The following AURKA variants were observed in gnomAD, a reference collection of about 807,000 sequenced individuals.
The protein encoded by AURKA is aurora 2.
A neutral mutation model predicts 40.9 loss-of-function variants in AURKA; 12 were observed. The ratio of observed to expected loss-of-function variants is 0.29; its 90% CI spans 0.19 to 0.48. AURKA has a LOEUF of 0.48. Among genes scored for constraint, AURKA ranks in the 20% least tolerant of loss-of-function variants. AURKA has a pLI of 0.99. For synonymous variants in AURKA, 170 were observed against 164.3 expected, an observed-to-expected ratio of 1.03 and a Z score of -0.26; for missense variants, 322 against 462.1, an observed-to-expected ratio of 0.70 and a Z score of 2.78.
Position 56,381,537 on chromosome 20 carries a change from G to A in AURKA, c.601C>T (p.His201Tyr), listed in dbSNP as rs776320107. Reference sequence around the variant, plus strand: ...ATTAGGTAGACTCTGGTAGCATCATGGAAATAACCATACAGTCTAAGAATA... The same window carrying A: ...ATTAGGTAGACTCTGGTAGCATCATAGAAATAACCATACAGTCTAAGAATA... ...PNILRLYGYFHDATRVYLILE... is the reference protein window; with the variant it reads ...PNILRLYGYFYDATRVYLILE... Residue 201 changes from histidine to tyrosine, a missense_variant, in exon 6 of 9, where the codon CAT becomes TAT. Transcript: ENST00000395915. The A allele has an allele frequency of 2.5e-6, 4 of 1,613,848 alleles. No homozygotes were observed. The highest frequency in any genetic ancestry group is 2.2e-5 in the East Asian group (1 of 44,822).
chr20:56,369,970 T>C lies in AURKA; in HGVS notation c.*188A>G. On this transcript the variant is annotated 3_prime_UTR_variant, in exon 9 of 9. Coordinates refer to ENST00000395915, the MANE Select transcript of AURKA (RefSeq NM_198437.3). ...TCTCGTGGCTACTTTCACTTCAGAG[T>C]GTCATGTTTATTGATGTGGAGCTTT... 1 of 717,156 alleles carries C rather than the reference T, an allele frequency of 1.4e-6. No individual in the cohort carries two copies. Among genetic ancestry groups the C allele is most frequent in the South Asian group, 1.6e-5 (1 of 63,464 alleles). 44.4% of individuals were successfully genotyped at this position (717,156 alleles called of 1,614,324 possible). A position where few individuals can be genotyped will look rare whatever the true frequency, so the allele number is the denominator to read the frequency against.
chr20:56,377,801 C>T (rs1469004589), intron 6 of AURKA, among the ~76,000 whole-genome samples: 1 of 151,744 alleles, frequency 6.6e-6, no homozygotes, highest in African/African-American at 2.4e-5. Flanking sequence ...AAAAAAGAGA[C>T]GTTCAACATC....
At position 56,373,477 on chromosome 20, in the gene AURKA, A is replaced by G; in HGVS notation, c.785T>C (p.Leu262Ser). ...VIHRDIKPEN[L>S]LLGSAGELKI... ...AAGCTCTCCAGCTGATCCAAGAAGT[A>G]AGTTCTCTGGCTTAATGTCTCTATG... The change falls in exon 7 of 9, where the codon TTA becomes TCA. Residue 262 changes from leucine (L) to serine (S), a missense_variant. By Grantham distance (145) the Leu-to-Ser change is moderately radical. Transcript: ENST00000395915. The surrounding 1 kb of genome is among the most constrained non-coding windows in gnomAD (Gnocchi z 5.0). The G allele has an allele frequency of 1.2e-6, 2 of 1,614,238 alleles. No individual in the cohort carries two copies. The highest frequency in any genetic ancestry group is 8.5e-7 in the Non-Finnish European group (1 of 1,180,048).
intron 1 of AURKA, chr20:56,388,479 A>C: frequency 2.0e-6 from 1 of 502,994 alleles, no homozygotes; most frequent in Middle Eastern, 5.3e-4. Flanking sequence ...GATCACTTCC[A>C]TCCCTGTGCA....
rs1983865815 is a variant in AURKA at position 56,369,887 on chromosome 20, C to T, written c.*271G>A. 3.8e-6 allele frequency: 2 copies of T among 531,942 alleles called. No individual in the cohort carries two copies. The highest frequency in any genetic ancestry group is 2.9e-5 in the Admixed American group (1 of 34,234). 33.0% of individuals were successfully genotyped at this position (531,942 alleles called of 1,614,324 possible). On this transcript the variant is annotated 3_prime_UTR_variant, in exon 9 of 9. Transcript: ENST00000395915. Reference sequence around the variant, plus strand: ...AGACACCATGCCTAGCACAGGCTGACGGGGCGGCTGCAGTCGAACCTTGCC... The same window carrying T: ...AGACACCATGCCTAGCACAGGCTGATGGGGCGGCTGCAGTCGAACCTTGCC...
At chr20:56,375,999 C>G (rs1431283888) in intron 6 of AURKA, among the ~76,000 whole-genome samples, 1 of 152,210 alleles carries the variant, frequency 6.6e-6, no homozygotes, top group Non-Finnish European at 1.5e-5. Flanking sequence ...CTTTCATTTT[C>G]TTTCAAACAG....
intron 5 of AURKA, 122 bp from the exon 6 acceptor site, chr20:56,381,693 C>A: frequency 2.5e-6 from 3 of 1,217,132 alleles, no homozygotes; most frequent in South Asian, 1.3e-5. Flanking sequence ...CACTCCAAAC[C>A]CCACTTTAGA....
chr20:56,386,540 TG>T lies in AURKA; in HGVS notation c.43-8del, dbSNP rs746826116. ...CTCCAACTGGAGCTGTAGCCTAGAATGGAAGAGAAAATAAACTTTCTGGCAT... is the reference window on the plus strand; with the variant it reads ...CTCCAACTGGAGCTGTAGCCTAGAATGAAGAGAAAATAAACTTTCTGGCAT... On this transcript the variant is annotated splice_region_variant and splice_polypyrimidine_tract_variant and intron_variant, in intron 2 of 8. Coordinates refer to ENST00000395915, the MANE Select transcript of AURKA (RefSeq NM_198437.3). The T allele has an allele frequency of 3.3e-5, 54 of 1,614,050 alleles. No individual in the cohort carries two copies. The highest frequency in any genetic ancestry group is 4.3e-5 in the Non-Finnish European group (51 of 1,180,032).
intron 6 of AURKA, among the ~76,000 whole-genome samples, chr20:56,378,710 G>A (rs1985286099): frequency 6.6e-6 from 1 of 152,144 alleles, no homozygotes; most frequent in Non-Finnish European, 1.5e-5. Context: ...AAACAGAAAT[G>A]AACAAGCTCT....
rs897642406 is a variant in AURKA at position 56,369,694 on chromosome 20, A to C, written c.*464T>G. On this transcript the variant is annotated 3_prime_UTR_variant, in exon 9 of 9. Coordinates refer to ENST00000395915, the MANE Select transcript of AURKA (RefSeq NM_198437.3). ...TACATATATCTTTATTTTCATACTT[A>C]AAAAGAATCACATACTCATTCCAAC... The C allele has an allele frequency of 4.1e-5, 14 of 340,448 alleles. No homozygotes were observed. The highest frequency in any genetic ancestry group is 5.0e-5 in the Non-Finnish European group (9 of 181,636). The allele number at this position is 340,448 out of a possible 1,614,324, so 21.1% of individuals were successfully genotyped here.
intron 6 of AURKA, among the ~76,000 whole-genome samples, chr20:56,374,448 C>T (rs985422737): frequency 6.6e-6 from 1 of 152,086 alleles, no homozygotes; most frequent in African/African-American, 2.4e-5. Context: ...TCAAGAATAT[C>T]AGGAGAAAAA....
At chr20:56,382,830 A>AGGGGAG (rs1465270834) in intron 5 of AURKA, among the ~76,000 whole-genome samples, 155 bp downstream of exon 5, 1 of 151,856 alleles carries the variant, frequency 6.6e-6, no homozygotes, top group Non-Finnish European at 1.5e-5. Context: ...TCTTTTTCAT[A>AGGGGAG]GGGGAGGGGG....
chr20:56,384,436 G>A, intron 3 of AURKA, 112 bp from the exon 4 acceptor site: 2 of 777,170 alleles, frequency 2.6e-6, no homozygotes, highest in Non-Finnish European at 2.1e-6. Context: ...GGTATGTCAA[G>A]AATGATAAAT....
chr20:56,376,305 C>CA (rs1240376366), intron 6 of AURKA, among the ~76,000 whole-genome samples: 2 of 151,954 alleles, frequency 1.3e-5, no homozygotes, highest in Non-Finnish European at 2.9e-5. Context: ...AAAGTTGGCC[C>CA]AAAAGATGAA....
intron 1 of AURKA, among the ~76,000 whole-genome samples, chr20:56,389,931 G>T (rs1986854894): frequency 6.6e-6 from 1 of 152,030 alleles, no homozygotes; most frequent in Non-Finnish European, 1.5e-5. Flanking sequence ...TCTCTCCCTT[G>T]AGTTTTTTCC....
In AURKA at chr20:56,380,084, C is replaced by T. The variant is rs1159245998; in HGVS notation, c.705+1349G>A. Among the ~76,000 whole-genome samples the T allele has an allele frequency of 3.3e-5, 5 of 150,902 alleles. No individual in the cohort carries two copies. The South Asian group carries it at 1.0e-3, about 32-fold the overall frequency. On this transcript the variant is annotated intron_variant, in intron 6 of 8. Transcript: ENST00000395915. The stretch of plus-strand genomic sequence containing the variant: ...TAAAACAAAAAGAGCAGGCCGGGCA[C>T]GGTGGCTCATGCCTGTAATCCCAGC...
At chr20:56,380,021 C>T (rs552625392) in intron 6 of AURKA, among the ~76,000 whole-genome samples, 11 of 148,734 alleles carry the variant, frequency 7.4e-5, no homozygotes, top group Admixed American at 1.3e-4. Flanking sequence ...ACCACACACA[C>T]GCAAGACAAA....
Position 56,373,771 on chromosome 20 carries a change from C to A in AURKA, c.706-215G>T, listed in dbSNP as rs1210647376. Among the ~76,000 whole-genome samples, 1 of 151,946 alleles carries A rather than the reference C, an allele frequency of 6.6e-6. No individual in the cohort carries two copies. On this transcript the variant is annotated intron_variant, in intron 6 of 8. Coordinates refer to ENST00000395915, the MANE Select transcript of AURKA (RefSeq NM_198437.3). The surrounding 1 kb of genome is among the most constrained non-coding windows in gnomAD (Gnocchi z 5.0). ...TTCAAGACCAGCCTGGGAAACATAG[C>A]AAGACTCCATCTCTACAAAAATTTA...
chr20:56,376,991 A>G (rs924634807), intron 6 of AURKA, among the ~76,000 whole-genome samples: 7 of 151,766 alleles, frequency 4.6e-5, no homozygotes, highest in Non-Finnish European at 1.0e-4. Context: ...GAGGCAGGAG[A>G]ACTGCTTGAA....
Sources: allele counts gnomAD v4.1 joint callset (sites outside exome capture counted in the v4.1 genomes callset), GRCh38; gene constraint gnomAD v4.1.1; non-coding constraint Gnocchi (gnomAD v3.1); transcripts MANE v1.5; gene names NCBI Gene and HGNC (gene_info 2026-07-23, HGNC 2026-07-21).